The following CALN1 variants were observed in gnomAD, a reference collection of about 807,000 sequenced individuals.
CALN1 encodes the protein calcium-binding protein 8.
Under a neutral mutation model 30.6 loss-of-function variants are expected in CALN1, and 17 were observed. The ratio of observed to expected loss-of-function variants is 0.56; its 90% confidence interval spans 0.38 to 0.83. The LOEUF (loss-of-function observed/expected upper bound fraction) is 0.83, where lower values mean the gene tolerates loss of function less well. Among genes scored for constraint, CALN1 ranks in the 40% least tolerant of loss-of-function variants. The pLI is 0.00. For synonymous variants in CALN1, 156 were observed against 131.4 expected, an observed-to-expected ratio of 1.19 and a Z score of -1.28; for missense variants, 291 against 354.9, an observed-to-expected ratio of 0.82 and a Z score of 1.45.
chr7:71,907,802 T>C (rs1216818375), intron 5 of CALN1, among the ~76,000 whole-genome samples: 1 of 152,240 alleles, frequency 6.6e-6, no homozygotes, highest in Non-Finnish European at 1.5e-5. Context: ...CTGGTATTTG[T>C]AATGTGCAGA....
chr7:71,858,989 T>G (rs537009013), intron 5 of CALN1, among the ~76,000 whole-genome samples: 1 of 152,344 alleles, frequency 6.6e-6, no homozygotes, highest in East Asian at 1.9e-4. Flanking sequence ...AGATGTAAAC[T>G]GAACAAGTTC....
chr7:72,385,248 A>G (rs754499285), intron 2 of CALN1, among the ~76,000 whole-genome samples: 10 of 152,210 alleles, frequency 6.6e-5, no homozygotes, highest in Non-Finnish European at 1.3e-4. Flanking sequence ...AGTTTCTTAC[A>G]AGGCTAAACG....
At chr7:72,220,463 T>G (rs1418188184) in intron 3 of CALN1, among the ~76,000 whole-genome samples, 2 of 151,536 alleles carry the variant, frequency 1.3e-5, no homozygotes, top group South Asian at 2.1e-4. Context: ...TTGGGTTGGT[T>G]CCAAGTCTTT....
At chr7:71,864,668 A>C (rs535840615) in intron 5 of CALN1, among the ~76,000 whole-genome samples, 2 of 152,286 alleles carry the variant, frequency 1.3e-5, no homozygotes, top group South Asian at 2.1e-4. Context: ...AGTTGTTTTA[A>C]ATCACTAAGT....
intron 3 of CALN1, among the ~76,000 whole-genome samples, chr7:72,175,625 G>T (rs1789291873): frequency 6.6e-6 from 1 of 152,158 alleles, no homozygotes; most frequent in South Asian, 2.1e-4. Context: ...AAAACTGGCT[G>T]CCACGCTGGA....
At chr7:72,154,581 A>C (rs1787514651) in intron 3 of CALN1, among the ~76,000 whole-genome samples, 1 of 152,176 alleles carries the variant, frequency 6.6e-6, no homozygotes, top group Admixed American at 6.5e-5. Context: ...TGGCCTGAGA[A>C]ACCTTTACCC....
chr7:72,338,513 GTGTGTGTGTGTGTGTC>G (rs969795843), intron 2 of CALN1, among the ~76,000 whole-genome samples: 4 of 146,900 alleles, frequency 2.7e-5, no homozygotes, highest in African/African-American at 7.9e-5. Flanking sequence ...GTGTGTGTGT[GTGTGTGTGTGTGTGTC>G]TCACCTGGGT....
At chr7:71,818,668 CTTATTTTAT>C (rs1431700118) in intron 5 of CALN1, among the ~76,000 whole-genome samples, 3 of 146,028 alleles carry the variant, frequency 2.1e-5, no homozygotes, top group African/African-American at 7.6e-5. Flanking sequence ...CCATGACCAG[CTTATTTTAT>C]TTATTTATTT....
intron 3 of CALN1, among the ~76,000 whole-genome samples, chr7:72,176,936 T>C (rs985907786): frequency 6.6e-6 from 1 of 152,162 alleles, no homozygotes; most frequent in African/African-American, 2.4e-5. Context: ...AACCTCATCC[T>C]GTAATGACTA....
chr7:72,042,635 C>A (rs1178091576), intron 4 of CALN1, among the ~76,000 whole-genome samples: 2 of 152,102 alleles, frequency 1.3e-5, no homozygotes, highest in Non-Finnish European at 2.9e-5. Context: ...CTTTGGGAGG[C>A]TGAGGCTGCA....
chr7:72,108,256 C>T (rs1807317926), intron 3 of CALN1, among the ~76,000 whole-genome samples: 1 of 152,236 alleles, frequency 6.6e-6, no homozygotes, highest in Non-Finnish European at 1.5e-5. Context: ...CTTCTGTTTG[C>T]ATTAGGGACC....
intron 4 of CALN1, among the ~76,000 whole-genome samples, chr7:72,039,884 A>C (rs1802021381): frequency 6.6e-6 from 1 of 152,114 alleles, no homozygotes; most frequent in African/African-American, 2.4e-5. Flanking sequence ...TGTGTCATTG[A>C]GATGGCAGCT....
intron 3 of CALN1, among the ~76,000 whole-genome samples, chr7:72,246,689 G>C (rs989789128): frequency 8.6e-5 from 13 of 151,302 alleles, no homozygotes; most frequent in South Asian, 2.1e-4. Context: ...TTCTTGTTTT[G>C]TCCAGGACTA....
At chr7:72,408,850 G>C (rs976267409) in intron 1 of CALN1, among the ~76,000 whole-genome samples, 1 of 151,462 alleles carries the variant, frequency 6.6e-6, no homozygotes, top group African/African-American at 2.4e-5. Flanking sequence ...GCTAATTTTT[G>C]TATTTTTTGT....
chr7:72,293,286 C>T (rs368531409), intron 2 of CALN1, among the ~76,000 whole-genome samples: 1 of 152,124 alleles, frequency 6.6e-6, no homozygotes, highest in East Asian at 1.9e-4. Flanking sequence ...CTATCAGAAC[C>T]TCAAAGTTGA....
chr7:72,225,620 G>A (rs911890123), intron 3 of CALN1, among the ~76,000 whole-genome samples: 15 of 152,034 alleles, frequency 9.9e-5, no homozygotes, highest in South Asian at 2.1e-4. Context: ...AGCCCTCGGC[G>A]CTACCTTGAT....
intron 5 of CALN1, among the ~76,000 whole-genome samples, chr7:71,865,495 T>C (rs1483477602): frequency 9.2e-5 from 14 of 152,236 alleles, no homozygotes; most frequent in Admixed American, 9.2e-4. Flanking sequence ...AATTACCCAG[T>C]CTCAGATATT....
intron 2 of CALN1, among the ~76,000 whole-genome samples, chr7:72,326,840 G>A (rs1801313500): frequency 6.6e-6 from 1 of 152,242 alleles, no homozygotes; most frequent in Non-Finnish European, 1.5e-5. Context: ...CTGTTTGACA[G>A]TGCACATGTC....
chr7:72,278,472 T>TACACACACACAC (rs59010102), intron 3 of CALN1, among the ~76,000 whole-genome samples: 1,846 of 144,062 alleles, frequency 0.013, 21 homozygotes, highest in South Asian at 0.032. Context: ...ATCAGGTCTG[T>TACACACACACAC]ACACACACAC....
Sources: allele counts gnomAD v4.1 joint callset (sites outside exome capture counted in the v4.1 genomes callset), GRCh38; gene constraint gnomAD v4.1.1; transcripts MANE v1.5; gene names NCBI Gene and HGNC (gene_info 2026-07-23, HGNC 2026-07-21).